The following RIT2 variants were observed in gnomAD, a reference collection of about 807,000 sequenced individuals.
RIT2 encodes Ras like without CAAX 2, also known as GTP-binding protein Rit2.
In RIT2, 24 loss-of-function variants were observed where a neutral mutation model predicts 23.7. The ratio of observed to expected loss-of-function variants is 1.01; its 90% CI spans 0.73 to 1.43. The LOEUF (loss-of-function observed/expected upper bound fraction) is 1.43, where lower values mean the gene tolerates loss of function less well. Among genes scored for constraint, RIT2 ranks in the 40% most tolerant of loss-of-function variants. The pLI is 0.00. For synonymous variants in RIT2, 107 were observed against 91.1 expected, an observed-to-expected ratio of 1.17 and a Z score of -0.99; for missense variants, 236 against 266.9, an observed-to-expected ratio of 0.88 and a Z score of 0.81.
intron 4 of RIT2, among the ~76,000 whole-genome samples, chr18:42,877,520 C>CTATA (rs144405918): frequency 0.063 from 9,072 of 143,670 alleles, 861 homozygotes; most frequent in African/African-American, 0.21. Flanking sequence ...TTTGTATACA[C>CTATA]TATATATATA....
chr18:42,756,999 A>G (rs1913180488), intron 4 of RIT2, among the ~76,000 whole-genome samples: 1 of 152,172 alleles, frequency 6.6e-6, no homozygotes, highest in Admixed American at 6.5e-5. Context: ...TATAAGATCA[A>G]GAAGACAAAG....
chr18:42,874,925 G>A (rs1907707083), intron 4 of RIT2, among the ~76,000 whole-genome samples: 1 of 152,094 alleles, frequency 6.6e-6, no homozygotes, highest in Non-Finnish European at 1.5e-5. Flanking sequence ...TGCAGAGCCA[G>A]GAATGTATTC....
chr18:42,869,968 G>A (rs890371650), intron 4 of RIT2, among the ~76,000 whole-genome samples: 3 of 152,132 alleles, frequency 2.0e-5, no homozygotes, highest in East Asian at 1.9e-4. Flanking sequence ...TGGCCCTCAC[G>A]GGCACCCCTC....
At chr18:42,924,399 C>T (rs1909131098) in intron 3 of RIT2, among the ~76,000 whole-genome samples, 1 of 151,696 alleles carries the variant, frequency 6.6e-6, no homozygotes, top group Non-Finnish European at 1.5e-5. Flanking sequence ...ATCTGGATTG[C>T]TGAGGGATGG....
intron 4 of RIT2, among the ~76,000 whole-genome samples, chr18:42,781,133 A>G (rs995658487): frequency 2.0e-5 from 3 of 152,124 alleles, no homozygotes; most frequent in African/African-American, 7.2e-5. Context: ...ATAAGTATAA[A>G]AAGAAATCCA....
intron 1 of RIT2, among the ~76,000 whole-genome samples, chr18:43,091,388 A>T (rs1397054594): frequency 6.6e-6 from 1 of 152,048 alleles, no homozygotes; most frequent in Non-Finnish European, 1.5e-5. Flanking sequence ...TACCAATGAG[A>T]TTCACTAATA....
intron 4 of RIT2, among the ~76,000 whole-genome samples, chr18:42,894,213 C>A (rs1908260803): frequency 6.6e-6 from 1 of 152,186 alleles, no homozygotes; most frequent in Non-Finnish European, 1.5e-5. Flanking sequence ...GCAGTAAGTG[C>A]TTTGCAAGGC....
chr18:42,828,921 TA>T (rs1247721195), intron 4 of RIT2, among the ~76,000 whole-genome samples: 1 of 152,170 alleles, frequency 6.6e-6, no homozygotes, highest in Non-Finnish European at 1.5e-5. Flanking sequence ...TCTTAAAAAT[TA>T]AGAGGCTCTT....
chr18:43,062,119 G>A (rs1234915409), intron 1 of RIT2, among the ~76,000 whole-genome samples: 1 of 151,964 alleles, frequency 6.6e-6, no homozygotes, highest in Non-Finnish European at 1.5e-5. Context: ...CTGGCTCACT[G>A]AATTAAGGGA....
At chr18:42,989,378 G>A (rs990589492) in intron 2 of RIT2, among the ~76,000 whole-genome samples, 1 of 151,968 alleles carries the variant, frequency 6.6e-6, no homozygotes, top group Admixed American at 6.6e-5. Context: ...ACCTACAACA[G>A]CACTATGCAA....
chr18:42,845,409 T>G (rs1906880878), intron 4 of RIT2, among the ~76,000 whole-genome samples: 1 of 150,580 alleles, frequency 6.6e-6, no homozygotes, highest in African/African-American at 2.4e-5. Flanking sequence ...ATGTATAAAT[T>G]TTCTATATAT....
intron 1 of RIT2, among the ~76,000 whole-genome samples, chr18:43,084,544 AC>A (rs762872885): frequency 2.6e-4 from 39 of 152,316 alleles, no homozygotes; most frequent in Non-Finnish European, 4.6e-4. Flanking sequence ...ACCATGGAAA[AC>A]TATGCAGCCA....
At chr18:43,027,319 C>T (rs747364880) in intron 2 of RIT2, among the ~76,000 whole-genome samples, 28 of 152,044 alleles carry the variant, frequency 1.8e-4, no homozygotes, top group Admixed American at 6.6e-4. Context: ...GGGTCATAAA[C>T]GAATTTTTAA....
At chr18:42,848,747 GT>G (rs34602233) in intron 4 of RIT2, among the ~76,000 whole-genome samples, 6 of 151,058 alleles carry the variant, frequency 4.0e-5, no homozygotes, top group Non-Finnish European at 5.9e-5. Context: ...ACATTGTGAA[GT>G]TTTTTTTTAG....
At chr18:43,076,190 G>A (rs1598772902) in intron 1 of RIT2, among the ~76,000 whole-genome samples, 1 of 152,236 alleles carries the variant, frequency 6.6e-6, no homozygotes, top group East Asian at 1.9e-4. Context: ...CTTCTAGAAA[G>A]CTTAAAACGT....
At chr18:43,034,428 T>G (rs924877062) in intron 1 of RIT2, among the ~76,000 whole-genome samples, 2 of 152,216 alleles carry the variant, frequency 1.3e-5, no homozygotes, top group African/African-American at 4.8e-5. Flanking sequence ...ACTTTTTTTC[T>G]GTAATTCTGT....
chr18:43,000,188 ATT>A (rs1911071911), intron 2 of RIT2, among the ~76,000 whole-genome samples: 1 of 152,084 alleles, frequency 6.6e-6, no homozygotes, highest in Non-Finnish European at 1.5e-5. Context: ...TAAATGGTAT[ATT>A]GTTTTAGGTA....
chr18:42,885,881 C>T lies in RIT2; in HGVS notation c.426+37691G>A, dbSNP rs566999530. Among the ~76,000 whole-genome samples the T allele has an allele frequency of 2.1e-3, 323 of 152,244 alleles. 1 individual carries two copies. The highest frequency in any genetic ancestry group is 3.4e-3 in the Non-Finnish European group (228 of 68,020). ...AATGCTCCCATTTTTTAATAAACTT[C>T]GCAGATCTCCAAGGGCCTAGCCATA... On this transcript the variant is annotated intron_variant, in intron 4 of 4. Coordinates refer to ENST00000326695, the MANE Select transcript of RIT2 (RefSeq NM_002930.4).
At chr18:42,917,212 A>G (rs1376028973) in intron 4 of RIT2, among the ~76,000 whole-genome samples, 1 of 152,050 alleles carries the variant, frequency 6.6e-6, no homozygotes, top group Non-Finnish European at 1.5e-5. Flanking sequence ...TTGTCCAAGG[A>G]CACAGTAATC....
Sources: gnomAD v4.1 joint callset for allele counts (sites outside exome capture counted in the v4.1 genomes callset) on GRCh38, gnomAD v4.1.1 for gene constraint, MANE v1.5 for transcripts, NCBI Gene and HGNC (gene_info 2026-07-23, HGNC 2026-07-21) for gene names.